The following MEMO1 variants were observed in gnomAD, a reference collection of about 807,000 sequenced individuals.
The protein encoded by MEMO1 is mediator of cell motility 1.
Under a neutral mutation model 45.2 loss-of-function variants are expected in MEMO1, and 6 were observed. The observed-to-expected ratio is 0.13, with a 90% CI of 0.07 to 0.26. The LOEUF is 0.26. Ranked by LOEUF, MEMO1 falls within the 10% of genes least tolerant of loss-of-function variation. The pLI is 1.00. For synonymous variants in MEMO1, 78 were observed against 124.3 expected, an observed-to-expected ratio of 0.63 and a Z score of 2.48; for missense variants, 184 against 370.5, an observed-to-expected ratio of 0.50 and a Z score of 4.13.
intron 6 of MEMO1, among the ~76,000 whole-genome samples, chr2:31,901,595 T>G (rs913951832): frequency 1.3e-5 from 2 of 151,822 alleles, no homozygotes; most frequent in Admixed American, 6.6e-5. Flanking sequence ...GAACACCAGG[T>G]TTCTTTTTAG....
chr2:31,949,570 T>C (rs146693795), intron 2 of MEMO1, among the ~76,000 whole-genome samples: 1,831 of 137,010 alleles, frequency 0.013, 21 homozygotes, highest in Non-Finnish European at 0.014. Context: ...ATGGACATAG[T>C]AGAAGGATGG....
intron 6 of MEMO1, among the ~76,000 whole-genome samples, chr2:31,895,595 A>C (rs1013641298): frequency 1.3e-5 from 2 of 152,186 alleles, no homozygotes; most frequent in Non-Finnish European, 2.9e-5. Context: ...GAGAAAAAGA[A>C]CAGAGCATTG....
intron 3 of MEMO1, among the ~76,000 whole-genome samples, chr2:31,943,030 C>T (rs1035506968): frequency 4.6e-5 from 7 of 152,080 alleles, no homozygotes; most frequent in Non-Finnish European, 7.4e-5. Flanking sequence ...TGAGCGAGAC[C>T]GAGGCAGGTG....
chr2:31,920,138 T>G (rs550795315), intron 5 of MEMO1, among the ~76,000 whole-genome samples: 1 of 151,846 alleles, frequency 6.6e-6, no homozygotes, highest in South Asian at 2.1e-4. Flanking sequence ...GTACTCTTTA[T>G]ACTGTTCTAT....
chr2:31,951,080 A>G (rs890556811), intron 2 of MEMO1, among the ~76,000 whole-genome samples: 12 of 152,228 alleles, frequency 7.9e-5, no homozygotes, highest in Admixed American at 2.0e-4. Context: ...AAAAGGTATC[A>G]CTGAATGATG....
chr2:31,973,746 TG>T (rs879485822), intron 2 of MEMO1, among the ~76,000 whole-genome samples: 4 of 152,204 alleles, frequency 2.6e-5, no homozygotes, highest in Non-Finnish European at 4.4e-5. Flanking sequence ...ATATCATTTA[TG>T]TAAAATATCC....
intron 6 of MEMO1, among the ~76,000 whole-genome samples, chr2:31,898,092 G>C (rs974179969): frequency 1.7e-4 from 26 of 151,782 alleles, no homozygotes; most frequent in African/African-American, 6.0e-4. Flanking sequence ...GTGTCTCTTT[G>C]ATTCTTCTCT....
chr2:31,869,748 T>C (rs1673389865), intron 9 of MEMO1, 100 bp downstream of exon 9: 9 of 1,292,280 alleles, frequency 7.0e-6, no homozygotes, highest in Non-Finnish European at 7.3e-6. Flanking sequence ...AACTTGACCA[T>C]AGGTACATAA....
At chr2:31,905,961 T>C (rs994143011) in intron 6 of MEMO1, among the ~76,000 whole-genome samples, 7 of 152,136 alleles carry the variant, frequency 4.6e-5, no homozygotes, top group Non-Finnish European at 7.4e-5. Context: ...AGGAGAGCTA[T>C]TCTTTTTTTC....
intron 6 of MEMO1, among the ~76,000 whole-genome samples, chr2:31,904,682 C>A (rs1679409274): frequency 6.6e-6 from 1 of 152,174 alleles, no homozygotes; most frequent in Non-Finnish European, 1.5e-5. Context: ...GTTGCACAGT[C>A]CAGTTCCTAA....
At chr2:31,954,068 T>G (rs1253669872) in intron 2 of MEMO1, among the ~76,000 whole-genome samples, 1 of 152,248 alleles carries the variant, frequency 6.6e-6, no homozygotes, top group Non-Finnish European at 1.5e-5. Context: ...TATAGCCACA[T>G]GATTGTTGAG....
chr2:31,908,646 C>G (rs1181653866), intron 6 of MEMO1, among the ~76,000 whole-genome samples: 1 of 152,116 alleles, frequency 6.6e-6, no homozygotes, highest in Non-Finnish European at 1.5e-5. Context: ...CTGAGAGATA[C>G]AAACTCCTGA....
chr2:31,938,071 A>G (rs563972348), intron 3 of MEMO1, among the ~76,000 whole-genome samples: 18 of 152,198 alleles, frequency 1.2e-4, no homozygotes, highest in Non-Finnish European at 2.6e-4. Context: ...CAACCACAGT[A>G]CATTTCTAAT....
intron 4 of MEMO1, among the ~76,000 whole-genome samples, chr2:31,925,566 C>T (rs1191892590): frequency 4.0e-5 from 6 of 151,308 alleles, no homozygotes; most frequent in Non-Finnish European, 7.4e-5. Flanking sequence ...CTCTTAAGGT[C>T]TACCACAATA....
intron 2 of MEMO1, among the ~76,000 whole-genome samples, chr2:31,965,210 T>C (rs531490144): frequency 1.7e-5 from 2 of 119,066 alleles, no homozygotes; most frequent in East Asian, 4.8e-4. Context: ...CGAAACTCCA[T>C]CAAAAAAAAG....
chr2:31,888,510 T>C (rs1676502029), intron 7 of MEMO1, among the ~76,000 whole-genome samples: 1 of 151,976 alleles, frequency 6.6e-6, no homozygotes. Flanking sequence ...TTCTACTAAC[T>C]GAAAAAATTA....
chr2:31,986,980 A>T (rs998083718), intron 2 of MEMO1, among the ~76,000 whole-genome samples: 3 of 152,136 alleles, frequency 2.0e-5, no homozygotes, highest in Non-Finnish European at 4.4e-5. Context: ...ATGTTGCAAC[A>T]ATTAGGGAGA....
intron 6 of MEMO1, among the ~76,000 whole-genome samples, chr2:31,905,203 C>T (rs910256753): frequency 6.6e-6 from 1 of 151,994 alleles, no homozygotes; most frequent in Non-Finnish European, 1.5e-5. Flanking sequence ...CACTGGACTC[C>T]AGCCTGGGTA....
chr2:31,926,764 T>C (rs1410215474), intron 4 of MEMO1, among the ~76,000 whole-genome samples: 3 of 151,714 alleles, frequency 2.0e-5, no homozygotes, highest in Admixed American at 6.6e-5. Context: ...GGAGAATCCC[T>C]TGAACCCAGG....
Sources: gnomAD v4.1 joint callset for allele counts (sites outside exome capture counted in the v4.1 genomes callset) on GRCh38, gnomAD v4.1.1 for gene constraint, MANE v1.5 for transcripts, NCBI Gene and HGNC (gene_info 2026-07-23, HGNC 2026-07-21) for gene names.